Variants in PPP2R2B observed in about 807,000 individuals in gnomAD.
PPP2R2B encodes protein phosphatase 2 regulatory subunit Bbeta, also known as serine/threonine-protein phosphatase 2A 55 kDa regulatory subunit B beta isoform.
In PPP2R2B, 5 loss-of-function variants were observed where a neutral mutation model predicts 46.0. The ratio of observed to expected loss-of-function variants is 0.11; its 90% CI spans 0.06 to 0.23. The LOEUF is 0.23. Ranked by LOEUF, PPP2R2B falls within the 10% of genes least tolerant of loss-of-function variation. The probability of loss-of-function intolerance (pLI) is 1.00; values close to 1 mark genes in which losing one functional copy is unlikely to be tolerated. For missense variants in PPP2R2B, 367 were observed against 575.0 expected, an observed-to-expected ratio of 0.64 and a Z score of 3.70; for synonymous variants, 215 against 206.7, an observed-to-expected ratio of 1.04 and a Z score of -0.34.
At chr5:146,985,178 G>A (rs992686543) in intron 1 of PPP2R2B, among the ~76,000 whole-genome samples, 1 of 151,730 alleles carries the variant, frequency 6.6e-6, no homozygotes, top group Non-Finnish European at 1.5e-5. Flanking sequence ...GTGCCACCAT[G>A]CCTGGCTAGT....
chr5:146,903,610 C>T (rs920561668), intron 1 of PPP2R2B, among the ~76,000 whole-genome samples: 2 of 152,012 alleles, frequency 1.3e-5, no homozygotes, highest in African/African-American at 4.8e-5. Context: ...GTTGCCTGGA[C>T]TGGTCTCAAA....
intron 2 of PPP2R2B, among the ~76,000 whole-genome samples, chr5:146,822,535 G>GTTTTTTTTTTTTTT (rs368081191): frequency 8.0e-6 from 1 of 125,300 alleles, no homozygotes; most frequent in Non-Finnish European, 1.7e-5. Flanking sequence ...TTCATTTTTG[G>GTTTTTTTTTTTTTT]TTTTTTTTTT....
chr5:146,691,065 A>C, intron 5 of PPP2R2B, 63 bp downstream of exon 5: 1 of 1,443,350 alleles, frequency 6.9e-7, no homozygotes, highest in Non-Finnish European at 9.7e-7. Flanking sequence ...AACAACCAGC[A>C]CATGGCCAAC....
At chr5:146,932,163 G>T (rs544185395) in intron 1 of PPP2R2B, among the ~76,000 whole-genome samples, 23 of 152,222 alleles carry the variant, frequency 1.5e-4, no homozygotes, top group African/African-American at 5.1e-4. Context: ...CCTTAAATTA[G>T]GTCAAAGTCA....
At chr5:146,706,720 T>C (rs1268849363) in intron 2 of PPP2R2B, 2 of 836,640 alleles carry the variant, frequency 2.4e-6, no homozygotes, top group Non-Finnish European at 4.2e-6. Context: ...TCAGTCTTTG[T>C]AAGACGCAGG....
intron 1 of PPP2R2B, among the ~76,000 whole-genome samples, chr5:146,891,588 A>G (rs180698049): frequency 2.0e-3 from 308 of 152,324 alleles, no homozygotes; most frequent in African/African-American, 7.1e-3. Context: ...TTCATTCAAC[A>G]TCAAATTTTT....
At chr5:147,043,446 G>A (rs1756406180) in intron 1 of PPP2R2B, among the ~76,000 whole-genome samples, 1 of 152,054 alleles carries the variant, frequency 6.6e-6, no homozygotes, top group Non-Finnish European at 1.5e-5. Flanking sequence ...ACGGTCGTCA[G>A]CAAGCCAAGG....
At chr5:146,980,900 A>C (rs1230720517) in intron 1 of PPP2R2B, among the ~76,000 whole-genome samples, 2 of 152,146 alleles carry the variant, frequency 1.3e-5, no homozygotes, top group Non-Finnish European at 2.9e-5. Flanking sequence ...GTTGTAACCT[A>C]TCAGTTTCTG....
intron 2 of PPP2R2B, among the ~76,000 whole-genome samples, chr5:146,764,509 C>A (rs747568360): frequency 6.6e-6 from 1 of 152,136 alleles, no homozygotes; most frequent in Non-Finnish European, 1.5e-5. Context: ...GACCCAGAAT[C>A]ATTCCCCTAA....
intron 2 of PPP2R2B, chr5:146,707,116 C>T: frequency 6.3e-7 from 1 of 1,594,520 alleles, no homozygotes. Flanking sequence ...CTGCGTGTTG[C>T]CAAGCTCCGC....
At chr5:146,594,610 T>A (rs889501457) in intron 8 of PPP2R2B, among the ~76,000 whole-genome samples, 2 of 152,210 alleles carry the variant, frequency 1.3e-5, no homozygotes, top group African/African-American at 4.8e-5. Context: ...TCATTCTCTT[T>A]ACTTTAATGG....
chr5:146,628,837 C>A (rs1248362911), intron 7 of PPP2R2B, among the ~76,000 whole-genome samples: 1 of 152,234 alleles, frequency 6.6e-6, no homozygotes, highest in Non-Finnish European at 1.5e-5. Context: ...TCTCATCTTT[C>A]TTGCCCTCTC....
rs1419522366 is a variant in PPP2R2B, at chr5:146,609,715, T to A, written c.791-9255A>T. Among the ~76,000 whole-genome samples, 3 of 144,948 alleles carry A rather than the reference T, an allele frequency of 2.1e-5. No individual in the cohort carries two copies. The East Asian group carries it at 6.2e-4, about 30-fold the overall frequency. ...GGGGTCAGGGAGTTCCCTTTCCGAG[T>A]CAAAGAAAGGGGTGACGGACGCACC... On this transcript the variant is annotated intron_variant, in intron 7 of 9. Coordinates refer to ENST00000394411, the MANE Select transcript of PPP2R2B (RefSeq NM_181675.4).
At chr5:146,638,130 T>C in intron 7 of PPP2R2B, 121 bp downstream of exon 7, 1 of 973,420 alleles carries the variant, frequency 1.0e-6, no homozygotes, top group Non-Finnish European at 1.4e-6. Context: ...TGACTCCCAC[T>C]TGTAGTTTCT....
chr5:146,795,275 A>G (rs141639451), intron 2 of PPP2R2B, among the ~76,000 whole-genome samples: 1 of 152,308 alleles, frequency 6.6e-6, no homozygotes, highest in African/African-American at 2.4e-5. Flanking sequence ...AATAGATAAG[A>G]TATAGAAACA....
intron 2 of PPP2R2B, among the ~76,000 whole-genome samples, chr5:146,728,299 T>G (rs1356887020): frequency 6.6e-6 from 1 of 152,140 alleles, no homozygotes; most frequent in Non-Finnish European, 1.5e-5. Context: ...CATTCCACTG[T>G]GTGACTCCTA....
chr5:146,890,913 C>G (rs1240820031), intron 1 of PPP2R2B, among the ~76,000 whole-genome samples: 1 of 152,118 alleles, frequency 6.6e-6, no homozygotes, highest in East Asian at 1.9e-4. Context: ...TAGAGCACTT[C>G]CTGCTTCCAA....
chr5:146,862,139 A>G (rs1761043454), intron 2 of PPP2R2B, among the ~76,000 whole-genome samples: 1 of 152,200 alleles, frequency 6.6e-6, no homozygotes, highest in Non-Finnish European at 1.5e-5. Context: ...TCTCCCCTGC[A>G]TCTTTAAACT....
At chr5:146,894,568 T>C (rs2151430605) in intron 1 of PPP2R2B, among the ~76,000 whole-genome samples, 1 of 152,266 alleles carries the variant, frequency 6.6e-6, no homozygotes, top group Non-Finnish European at 1.5e-5. Context: ...GCCTCCTGAG[T>C]AGCTGGGACC....
Sources: allele counts gnomAD v4.1 joint callset (sites outside exome capture counted in the v4.1 genomes callset), GRCh38; gene constraint gnomAD v4.1.1; transcripts MANE v1.5; gene names NCBI Gene and HGNC (gene_info 2026-07-23, HGNC 2026-07-21).